Variants in TTN observed in about 807,000 individuals in gnomAD.
TTN encodes connectin.
A neutral mutation model predicts 3,223.0 loss-of-function variants in TTN; 1,525 were observed. That is an observed-to-expected ratio of 0.47 (90% CI 0.45 to 0.49). The LOEUF (loss-of-function observed/expected upper bound fraction) is 0.49, where lower values mean the gene tolerates loss of function less well. TTN is among the 20% of genes least tolerant of loss of function. TTN has a pLI of 0.00. For missense variants in TTN, 40,786 were observed against 43,424.0 expected (o/e 0.94, Z 5.40); for synonymous variants, 14,094 against 15,161.0 (o/e 0.93, Z 5.17).
rs1417112271 is a variant in TTN, at chr2:178,557,883, G to A, written c.87471C>T (p.Leu29157=). Residue 29157 remains leucine, a synonymous_variant, in exon 328 of 363, where the codon CTC becomes CTT. Coordinates refer to ENST00000589042, the MANE Select transcript of TTN (RefSeq NM_001267550.2). The part of the protein sequence containing the change: ...ISDITEESVT[L]KWEPPKYDGG... The stretch of plus-strand genomic sequence containing the variant: ...CGTCATACTTAGGTGGCTCCCATTT[G>A]AGAGTCACACTTTCTTCAGTTATAT... The A allele has an allele frequency of 6.2e-7, 1 of 1,613,724 alleles. No homozygotes were observed. The highest frequency in any genetic ancestry group is 8.5e-7 in the Non-Finnish European group (1 of 1,179,850).
chr2:178,581,691 C>T lies in TTN; in HGVS notation c.66577G>A (p.Val22193Ile), dbSNP rs760767895. The change falls in exon 316 of 363, where the codon GTT (valine) becomes ATT (isoleucine). Residue 22193 changes from valine (V) to isoleucine (I), a missense_variant. Coordinates refer to ENST00000589042, the MANE Select transcript of TTN (RefSeq NM_001267550.2). Reference protein sequence around the residue: ...DGGSPIIGYLVEVKRADSDNW... With the variant: ...DGGSPIIGYLIEVKRADSDNW... ...TCGGAGTCAGCCCGTTTTACTTCAA[C>T]GAGATAACCAATGATAGGGCTGCCG... is the stretch of plus-strand genomic sequence containing the variant. 34 of 1,612,152 alleles carry T rather than the reference C, an allele frequency of 2.1e-5. No homozygotes were observed. Among genetic ancestry groups the T allele is most frequent in the South Asian group, 1.1e-4 (10 of 90,952 alleles).
chr2:178,741,943 T>C (rs1047054270), intron 47 of TTN, 22 bp from the exon 48 acceptor site: 17 of 1,384,928 alleles, frequency 1.2e-5, no homozygotes, highest in Admixed American at 6.3e-5. Context: ...AAAATGATTA[T>C]TATTTTACTA....
rs546356284 is a variant in TTN at position 178,654,127 on chromosome 2, G to A, written c.38381-32C>T. On this transcript the variant is annotated intron_variant, in intron 193 of 362. Transcript: ENST00000589042. ...AGATATTAGTATTTTTATAATTTAT[G>A]AATGGCGAAGGTATATATTACAGTG... 2.2e-3 allele frequency: 3,518 copies of A among 1,594,680 alleles called. 82 individuals carry two copies. The highest frequency in any genetic ancestry group is 0.021 in the South Asian group (1,926 of 90,558).
In TTN at chr2:178,768,147, T is replaced by C. The variant is rs759240786; in HGVS notation, c.9172A>G (p.Ile3058Val). 3.1e-6 allele frequency: 5 copies of C among 1,614,074 alleles called. No individual in the cohort carries two copies. Among genetic ancestry groups the C allele is most frequent in the Non-Finnish European group, 8.5e-7 (1 of 1,179,990 alleles). The change falls in exon 39 of 363, where the codon ATA becomes GTA. Residue 3058 changes from isoleucine (I) to valine (V), a missense_variant. Transcript: ENST00000589042. ...TATLYVEARH[I>V]EFRKHIKDIK... ...TCCTTAATGTGTTTCCTAAATTCTA[T>C]ATGACGAGCTGGAAAATAGCATGTA...
Position 178,573,434 on chromosome 2 carries a change from G to C in TTN, c.72698C>G (p.Thr24233Ser), listed in dbSNP as rs768359972. 1.3e-6 allele frequency: 2 copies of C among 1,518,128 alleles called. No homozygotes were observed. Among genetic ancestry groups the C allele is most frequent in the South Asian group, 2.7e-5 (2 of 72,952 alleles). The allele number at this position is 1,518,128 out of a possible 1,614,324, so 94.0% of individuals were successfully genotyped here. A position where few individuals can be genotyped will look rare whatever the true frequency, so the allele number is the denominator to read the frequency against. Residue 24233 changes from threonine to serine, a missense_variant, in exon 326 of 363, where the codon ACT (threonine) becomes AGT (serine). By Grantham distance (58) the Thr-to-Ser change is moderately conservative. Transcript: ENST00000589042. ...GACAACCATCGAATCTTTAGTAATA[G>C]TTGTCACTTCAGGGTTTTTGGGCGG... ...PDPPKNPEVT[T>S]ITKDSMVVCW... is the part of the protein sequence containing the mutation.
chr2:178,774,518 A>G, intron 29 of TTN, 45 bp from the exon 30 acceptor site: 8 of 1,582,808 alleles, frequency 5.1e-6, no homozygotes, highest in Non-Finnish European at 6.9e-6. Context: ...TTGGAGAGGT[A>G]TGCATCTAGA....
At chr2:178,689,441 C>T in intron 123 of TTN, 68 bp from the exon 124 acceptor site, 2 of 1,602,802 alleles carry the variant, frequency 1.2e-6, no homozygotes, top group Non-Finnish European at 1.7e-6. Context: ...ATAGAAGTGG[C>T]AATTAAAGAA....
At position 178,545,518 on chromosome 2, in the gene TTN, A is replaced by G. The variant is rs1347262523; in HGVS notation, c.95592T>C (p.Tyr31864=). 3.1e-6 allele frequency: 5 copies of G among 1,613,582 alleles called. No individual in the cohort carries two copies. In the South Asian group the frequency reaches 4.4e-5, roughly 14 times the overall value. ...WTRVNKDYVV[Y]DTRLKVTSLM... ...GGCTGGTCACCTTCAGCCTGGTATC[A>G]TACACCACATAGTCTTTGTTGACAC... Residue 31864 remains tyrosine (Y), a synonymous_variant, in exon 344 of 363, where the codon TAT becomes TAC. Coordinates refer to ENST00000589042, the MANE Select transcript of TTN (RefSeq NM_001267550.2).
rs1427077002 is a variant in TTN at position 178,597,645 on chromosome 2, G to A, written c.57437C>T (p.Ser19146Leu). ...CTGGCAGTTCTTGATGACCATGGAT[G>A]AGCTAATGGCTGTGGTCTCAATGGT... ...EATIETTAISSSMVIKNCQRS... is the reference protein window; with the variant it reads ...EATIETTAISLSMVIKNCQRS... The change falls in exon 294 of 363, where the codon TCA becomes TTA. Residue 19146 changes from serine (S) to leucine (L), a missense_variant. Coordinates refer to ENST00000589042, the MANE Select transcript of TTN (RefSeq NM_001267550.2). 3 of 1,613,278 alleles carry A rather than the reference G, an allele frequency of 1.9e-6. No homozygotes were observed. Among genetic ancestry groups the A allele is most frequent in the South Asian group, 1.1e-5 (1 of 91,060 alleles).
intron 21 of TTN, 48 bp downstream of exon 21, chr2:178,781,073 T>A (rs1295400771): frequency 6.2e-7 from 1 of 1,612,760 alleles, no homozygotes; most frequent in East Asian, 2.2e-5. Flanking sequence ...TGCTATCTCC[T>A]TGTATTTCAG....
intron 74 of TTN, 45 bp from the exon 75 acceptor site, chr2:178,723,369 AG>A: frequency 6.2e-7 from 1 of 1,603,442 alleles, no homozygotes; most frequent in Non-Finnish European, 8.5e-7. Context: ...GAAAAACACA[AG>A]GATGTCGGTA....
chr2:178,538,905 G>T (rs762385697), intron 353 of TTN, 41 bp downstream of exon 353: 1 of 1,583,442 alleles, frequency 6.3e-7, no homozygotes, highest in Non-Finnish European at 8.6e-7. Context: ...ACCAAACATG[G>T]CTTGCTTCTT....
At chr2:178,687,076 G>T (rs556304426) in intron 127 of TTN, among the ~76,000 whole-genome samples, 1 of 152,278 alleles carries the variant, frequency 6.6e-6, no homozygotes, top group South Asian at 2.1e-4. Context: ...TAAGACTATG[G>T]CACCTTGGAT....
chr2:178,601,116 C>A lies in TTN; in HGVS notation c.55788G>T (p.Val18596=). 6.3e-7 allele frequency: 1 copy of A among 1,581,502 alleles called. No individual in the cohort carries two copies. The highest frequency in any genetic ancestry group is 8.6e-7 in the Non-Finnish European group (1 of 1,165,182). ...LKIGLITKNT[V]HLSWKPPKND... Reference sequence around the variant, plus strand: ...TCTTCGGGGGTTTCCATGACAGATGCACTGTGTTCTTTGTGATGAGGCCAA... The same window carrying A: ...TCTTCGGGGGTTTCCATGACAGATGAACTGTGTTCTTTGTGATGAGGCCAA... The change falls in exon 288 of 363, where the codon GTG becomes GTT. Residue 18596 remains valine (V), a synonymous_variant. Transcript: ENST00000589042.
rs751027544 is a variant in TTN at position 178,691,980 on chromosome 2, G to C, written c.31762+36C>G. 3 of 1,576,294 alleles carry C rather than the reference G, an allele frequency of 1.9e-6. No individual in the cohort carries two copies. In the South Asian group the frequency reaches 3.5e-5, roughly 18 times the overall value. On this transcript the variant is annotated intron_variant, in intron 121 of 362. Coordinates refer to ENST00000589042, the MANE Select transcript of TTN (RefSeq NM_001267550.2). Reference sequence around the variant, plus strand: ...GTAGAAAGCAAAAGGCTGGCACTTGGAGCAAAGAGTCTCCCCATCATTGGC... The same window carrying C: ...GTAGAAAGCAAAAGGCTGGCACTTGCAGCAAAGAGTCTCCCCATCATTGGC...
intron 236 of TTN, 57 bp from the exon 237 acceptor site, chr2:178,631,357 C>T: frequency 1.3e-6 from 2 of 1,516,214 alleles, no homozygotes; most frequent in East Asian, 2.3e-5. Flanking sequence ...AAATGACAAT[C>T]TCTTGGAAAG....
In TTN at chr2:178,704,938, C is replaced by T. The variant is rs760859295; in HGVS notation, c.29633G>A (p.Arg9878Lys). The T allele has an allele frequency of 1.9e-6, 3 of 1,612,858 alleles. No individual in the cohort carries two copies. The Admixed American group carries it at 5.0e-5, about 27-fold the overall frequency. The change falls in exon 104 of 363, where the codon AGG (arginine) becomes AAG (lysine). Residue 9878 changes from arginine to lysine, a missense_variant. Arg to Lys is a conservative substitution (Grantham distance 26). Coordinates refer to ENST00000589042, the MANE Select transcript of TTN (RefSeq NM_001267550.2). ...LEIEEIERSERDEKEFEELVS... is the reference protein window; with the variant it reads ...LEIEEIERSEKDEKEFEELVS... ...AAGTTCCTCAAATTCCTTTTCGTCCCTCTCTGACCTCTCTATTTCCTCAAT... is the reference window on the plus strand; with the variant it reads ...AAGTTCCTCAAATTCCTTTTCGTCCTTCTCTGACCTCTCTATTTCCTCAAT...
rs1165382795 is a variant in TTN at position 178,723,688 on chromosome 2, AG to A, written c.21411del (p.Ser7138LeufsTer3). 6.3e-7 allele frequency: 1 copy of A among 1,581,556 alleles called. No individual in the cohort carries two copies. On this transcript the variant is annotated frameshift_variant, in exon 74 of 363. Transcript: ENST00000589042. LOFTEE classifies it high-confidence loss of function. ...AAAGGTTCAGGTTCTTTCACAAAAGAGGGTGGTTCTATATAGACATGGAGAA... is the reference window on the plus strand; with the variant it reads ...AAAGGTTCAGGTTCTTTCACAAAAGAGGTGGTTCTATATAGACATGGAGAA... ...CRAVLTVQEPPSFVKEPEPLE... is the reference protein window; with the variant it reads ...CRAVLTVQEPXSFVKEPEPLE...
In TTN at chr2:178,777,974, A is replaced by C. The variant is rs151123729; in HGVS notation, c.4210T>G (p.Ser1404Ala). The C allele has an allele frequency of 6.2e-7, 1 of 1,613,360 alleles. No homozygotes were observed. The highest frequency in any genetic ancestry group is 8.5e-7 in the Non-Finnish European group (1 of 1,179,740). Residue 1404 changes from serine to alanine, a missense_variant and splice_region_variant, in exon 25 of 363, where the codon TCT (serine) becomes GCT (alanine). By Grantham distance (99) the Ser-to-Ala change is moderately conservative. Transcript: ENST00000589042. ...PTLEPVSRIRSLSPRSVSRSP... is the reference protein window; with the variant it reads ...PTLEPVSRIRALSPRSVSRSP... ...CTGCTCACTGAACGTGGAGAGAGAG[A>C]TCTGCAAAACAAAGACACACAATAC...
Sources: allele counts gnomAD v4.1 joint callset (sites outside exome capture counted in the v4.1 genomes callset), GRCh38; gene constraint gnomAD v4.1.1; transcripts MANE v1.5; gene names NCBI Gene and HGNC (gene_info 2026-07-23, HGNC 2026-07-21).